The following ATP11C variants were observed in gnomAD, a reference collection of about 807,000 sequenced individuals.
ATP11C encodes ATPase phospholipid transporting 11C (ATP11C blood group).
In ATP11C, 36 loss-of-function variants were observed where a neutral mutation model predicts 97.4. The ratio of observed to expected loss-of-function variants is 0.37; its 90% CI spans 0.28 to 0.49. The LOEUF is 0.49. ATP11C is among the 20% of genes least tolerant of loss of function. ATP11C has a pLI of 0.98. For missense variants in ATP11C, 730 were observed against 824.6 expected (o/e 0.89, Z 1.40); for synonymous variants, 275 against 290.9 (o/e 0.95, Z 0.56).
chrX:139,899,344 G>A (rs965092466), intron 1 of ATP11C, among the ~76,000 whole-genome samples: 3 of 110,085 alleles, frequency 2.7e-5, no homozygotes, highest in East Asian at 2.8e-4. Context: ...TTAGCCAGGC[G>A]TGGTGGCGGG....
chrX:139,736,753 G>A (rs1347640416), intron 28 of ATP11C, among the ~76,000 whole-genome samples: 1 of 111,218 alleles, frequency 9.0e-6, no homozygotes, highest in Non-Finnish European at 1.9e-5. Context: ...AGGGAGTTAA[G>A]GGCAATTCTG....
Position 139,797,289 on chromosome X carries a change from A to T in ATP11C, c.895T>A (p.Leu299Ile). Reference protein sequence around the residue: ...NAFLIVYLFILLTKAAVCTTL... With the variant: ...NAFLIVYLFIILTKAAVCTTL... ...GTGCATACTGCAGCTTTGGTCAGTA[A>T]GATAAATAAATATACAATCAGGAAA... The change falls in exon 11 of 30, where the codon TTA becomes ATA. Residue 299 changes from leucine to isoleucine, a missense_variant. Transcript: ENST00000682941. The T allele has an allele frequency of 8.5e-7, 1 of 1,181,588 alleles. No homozygotes were observed. The highest frequency in any genetic ancestry group is 1.8e-5 in the African/African-American group (1 of 56,995).
chrX:139,809,897 CA>C (rs1382284874), intron 5 of ATP11C, among the ~76,000 whole-genome samples: 4 of 110,437 alleles, frequency 3.6e-5, no homozygotes, highest in African/African-American at 1.3e-4. Context: ...ACCCAGTAGA[CA>C]GACGTTGCGG....
At chrX:139,886,827 C>T (rs2084650402) in intron 1 of ATP11C, among the ~76,000 whole-genome samples, 1 of 110,083 alleles carries the variant, frequency 9.1e-6, no homozygotes, top group Non-Finnish European at 1.9e-5. Context: ...AATAAAATCC[C>T]GTTTCTTTTT....
At chrX:139,742,878 T>A (rs12353894) in intron 26 of ATP11C, among the ~76,000 whole-genome samples, 30 of 687 alleles carry the variant, frequency 0.044, no homozygotes, top group African/African-American at 0.097. Context: ...AAAAAAAAAA[T>A]ATATATATAT....
At chrX:139,775,849 G>A (rs1424846343) in intron 18 of ATP11C, among the ~76,000 whole-genome samples, 4 of 112,765 alleles carry the variant, frequency 3.5e-5, no homozygotes, top group African/African-American at 1.3e-4. Flanking sequence ...TGCTGCTGTA[G>A]TGGGCCAATG....
chrX:139,854,819 T>G (rs1284333200), intron 1 of ATP11C, among the ~76,000 whole-genome samples: 1 of 112,186 alleles, frequency 8.9e-6, no homozygotes, highest in African/African-American at 3.2e-5. Context: ...TTTTGAAGGT[T>G]TAAGCAAGTT....
intron 1 of ATP11C, among the ~76,000 whole-genome samples, chrX:139,922,033 T>C (rs973648118): frequency 6.0e-4 from 64 of 106,158 alleles, no homozygotes; most frequent in African/African-American, 2.0e-3. Flanking sequence ...GGTGAAACCC[T>C]GTCTCTCCTA....
intron 1 of ATP11C, among the ~76,000 whole-genome samples, chrX:139,841,295 T>C (rs774662939): frequency 2.1e-4 from 24 of 112,338 alleles, no homozygotes; most frequent in Non-Finnish European, 1.3e-4. Context: ...ACTCTAAACC[T>C]AGATACTCTA....
chrX:139,749,944 C>G, intron 24 of ATP11C, 81 bp downstream of exon 24: 2 of 998,057 alleles, frequency 2.0e-6, no homozygotes, highest in Non-Finnish European at 2.8e-6. Context: ...GTGCACAGTT[C>G]TGTGTTCTTC....
chrX:139,750,770 G>A (rs5953621), intron 23 of ATP11C, among the ~76,000 whole-genome samples: 20,149 of 110,324 alleles, frequency 0.18, 3,103 homozygotes, highest in African/African-American at 0.5. Flanking sequence ...CCTATAACAG[G>A]ACTTGGCATA....
chrX:139,884,056 C>T (rs1603411077), intron 1 of ATP11C, among the ~76,000 whole-genome samples: 3 of 111,867 alleles, frequency 2.7e-5, no homozygotes, highest in African/African-American at 9.7e-5. Context: ...TGTCAAGATA[C>T]AATTTTCATG....
At chrX:139,742,203 A>C (rs1000470627) in intron 26 of ATP11C, among the ~76,000 whole-genome samples, 3 of 111,391 alleles carry the variant, frequency 2.7e-5, no homozygotes, top group African/African-American at 9.8e-5. Flanking sequence ...GAGACATAAT[A>C]AAAACCGAAA....
chrX:139,852,620 C>A (rs778531010), intron 1 of ATP11C, among the ~76,000 whole-genome samples: 2 of 109,185 alleles, frequency 1.8e-5, no homozygotes, highest in South Asian at 8.2e-4. Flanking sequence ...TATGTGTATG[C>A]GTGAATGATC....
intron 27 of ATP11C, 141 bp downstream of exon 27, chrX:139,740,850 C>A: frequency 7.1e-6 from 3 of 423,943 alleles, no homozygotes; most frequent in South Asian, 8.8e-5. Flanking sequence ...AACAAATAAC[C>A]TTCAGGCCAT....
chrX:139,793,528 T>C (rs2082735218), intron 12 of ATP11C, among the ~76,000 whole-genome samples: 1 of 111,535 alleles, frequency 9.0e-6, no homozygotes, highest in Non-Finnish European at 1.9e-5. Context: ...AAATGATCTA[T>C]TTTGTAGATC....
chrX:139,769,184 A>G (rs1486131262), intron 19 of ATP11C, among the ~76,000 whole-genome samples: 1 of 101,093 alleles, frequency 9.9e-6, no homozygotes, highest in Non-Finnish European at 2.0e-5. Context: ...TGGAATTCAA[A>G]TTAATTAGTC....
intron 1 of ATP11C, among the ~76,000 whole-genome samples, chrX:139,905,330 G>A (rs2084957896): frequency 1.8e-5 from 2 of 112,183 alleles, no homozygotes; most frequent in African/African-American, 3.2e-5. Flanking sequence ...TATTAAGCTC[G>A]TAGGTAGCTT....
At chrX:139,853,833 CAAAAAAAAA>C (rs934664774) in intron 1 of ATP11C, among the ~76,000 whole-genome samples, 23 of 21,266 alleles carry the variant, frequency 1.1e-3, no homozygotes, top group East Asian at 6.1e-3. Context: ...TATCCTAAGT[CAAAAAAAAA>C]AAAAAAAAAA....
Sources: allele counts gnomAD v4.1 joint callset (sites outside exome capture counted in the v4.1 genomes callset), GRCh38; gene constraint gnomAD v4.1.1; transcripts MANE v1.5; gene names NCBI Gene and HGNC (gene_info 2026-07-23, HGNC 2026-07-21).